NFAT5: variants seen among roughly 807,000 people sequenced by gnomAD.
NFAT5 encodes the protein nuclear factor of activated T cells 5, also known as nuclear factor of activated T-cells 5.
Under a neutral mutation model 166.5 loss-of-function variants are expected in NFAT5, and 31 were observed. The ratio of observed to expected loss-of-function variants is 0.19; its 90% confidence interval spans 0.14 to 0.25. The LOEUF is 0.25. Among genes scored for constraint, NFAT5 ranks in the 10% least tolerant of loss-of-function variants. The probability of loss-of-function intolerance (pLI) is 1.00; values close to 1 mark genes in which losing one functional copy is unlikely to be tolerated. For missense variants in NFAT5, 1,449 were observed against 1,821.8 expected (o/e 0.80, Z 3.72); for synonymous variants, 612 against 639.7 (o/e 0.96, Z 0.65).
intron 3 of NFAT5, among the ~76,000 whole-genome samples, chr16:69,644,253 G>GGCA: frequency 6.6e-6 from 1 of 151,664 alleles, no homozygotes; most frequent in East Asian, 1.9e-4. Context: ...CCACTGCACT[G>GGCA]TAGCCTGGGC....
At chr16:69,695,090 C>T in intron 13 of NFAT5, 46 bp from the exon 14 acceptor site, 1 of 1,340,286 alleles carries the variant, frequency 7.5e-7, no homozygotes, top group Non-Finnish European at 1.1e-6. Context: ...AATGTTTCTG[C>T]AGACTGTAGT....
chr16:69,609,139 T>C (rs917141865), intron 2 of NFAT5, among the ~76,000 whole-genome samples: 1 of 151,766 alleles, frequency 6.6e-6, no homozygotes, highest in Non-Finnish European at 1.5e-5. Flanking sequence ...AAAAAGTATT[T>C]AGGTAATCTG....
At chr16:69,679,146 G>A (rs542978173) in intron 10 of NFAT5, among the ~76,000 whole-genome samples, 1 of 152,114 alleles carries the variant, frequency 6.6e-6, no homozygotes, top group African/African-American at 2.4e-5. Context: ...GGCCAGGCTG[G>A]TCTCAAACTC....
At chr16:69,635,023 G>GTTTTTTTTTTT (rs530661389) in intron 3 of NFAT5, among the ~76,000 whole-genome samples, 5 of 105,266 alleles carry the variant, frequency 4.7e-5, no homozygotes, top group African/African-American at 7.6e-5. Flanking sequence ...TGTTAGTAAA[G>GTTTTTTTTTTT]TTTTTTTTTT....
At position 69,566,229 on chromosome 16, in the gene NFAT5, C is replaced by A; in HGVS notation, c.-73C>A. On this transcript the variant is annotated 5_prime_UTR_variant, in exon 1 of 15. Coordinates refer to ENST00000349945, the MANE Select transcript of NFAT5 (RefSeq NM_138713.4). This position sits in a 1 kb window ranked among gnomAD's most constrained non-coding sequence, Gnocchi z 5.7. ...GCCCCCGGTTCGGTGCCCGCGGTCC[C>A]GGAGAGGAGGTGCCGCCGCCACCGC... is the stretch of plus-strand genomic sequence containing the variant. 2 of 1,435,344 alleles carry A rather than the reference C, an allele frequency of 1.4e-6. No homozygotes were observed. Among genetic ancestry groups the A allele is most frequent in the Non-Finnish European group, 9.6e-7 (1 of 1,046,402 alleles). 88.9% of individuals were successfully genotyped at this position (1,435,344 alleles called of 1,614,324 possible). A position where few individuals can be genotyped will look rare whatever the true frequency, so the allele number is the denominator to read the frequency against.
intron 2 of NFAT5, among the ~76,000 whole-genome samples, chr16:69,623,334 CTTT>C (rs369209793): frequency 1.1e-4 from 15 of 139,616 alleles, no homozygotes; most frequent in African/African-American, 3.4e-4. Flanking sequence ...TTGCTAAAGG[CTTT>C]TTTTTTTTTT....
In NFAT5 at chr16:69,692,594, C is replaced by T; in HGVS notation, c.2769C>T (p.Cys923=). Residue 923 remains cysteine, a synonymous_variant, in exon 13 of 15, where the codon TGC becomes TGT. Transcript: ENST00000349945. Reference sequence around the variant, plus strand: ...TGATGGAGATGCAACAGAGTATCTGCCAGGCAGCTGCCCAGATTCAGTCAG... The same window carrying T: ...TGATGGAGATGCAACAGAGTATCTGTCAGGCAGCTGCCCAGATTCAGTCAG... ...AMVMEMQQSI[C]QAAAQIQSEL... 6.2e-7 allele frequency: 1 copy of T among 1,614,220 alleles called. No individual in the cohort carries two copies. The highest frequency in any genetic ancestry group is 8.5e-7 in the Non-Finnish European group (1 of 1,180,054).
intron 3 of NFAT5, among the ~76,000 whole-genome samples, chr16:69,642,866 A>G (rs1479795075): frequency 1.3e-5 from 2 of 152,062 alleles, no homozygotes; most frequent in Non-Finnish European, 2.9e-5. Context: ...AGTATTCTAT[A>G]TAAGTTAGAC....
chr16:69,579,314 A>G (rs1254820859), intron 2 of NFAT5, among the ~76,000 whole-genome samples: 1 of 152,182 alleles, frequency 6.6e-6, no homozygotes, highest in Non-Finnish European at 1.5e-5. Flanking sequence ...ATGTAATTTT[A>G]TAATTATTTT....
chr16:69,568,457 C>G, intron 1 of NFAT5, 38 bp from the exon 2 acceptor site: 1 of 1,583,244 alleles, frequency 6.3e-7, no homozygotes, highest in Non-Finnish European at 8.6e-7. Context: ...TTTCCTCATT[C>G]AGCATAAAAA....
chr16:69,588,826 C>T lies in NFAT5; in HGVS notation c.127+20278C>T, dbSNP rs2032266402. ...TATTGCCTAGAAGAGAGAACCCATC[C>T]ATGTTGAAATGCCAGATTAGAGGGA... is the stretch of plus-strand genomic sequence containing the variant. On this transcript the variant is annotated intron_variant, in intron 2 of 14. Transcript: ENST00000349945. 2.6e-5 allele frequency among the ~76,000 whole-genome samples: 4 copies of T among 151,936 alleles called. No homozygotes were observed. The South Asian group carries it at 8.3e-4, about 32-fold the overall frequency.
rs182693866 is a variant in NFAT5 at position 69,682,084 on chromosome 16, C to T, written c.1691-2803C>T. On this transcript the variant is annotated intron_variant, in intron 10 of 14. Coordinates refer to ENST00000349945, the MANE Select transcript of NFAT5 (RefSeq NM_138713.4). Reference sequence around the variant, plus strand: ...CCCATGGGGCCATACTGCCCCAAATCAAAATGTGTATTCTCTCAGGCACTT... The same window carrying T: ...CCCATGGGGCCATACTGCCCCAAATTAAAATGTGTATTCTCTCAGGCACTT... Among the ~76,000 whole-genome samples the T allele has an allele frequency of 3.4e-4, 52 of 152,148 alleles. 1 individual carries two copies. Among genetic ancestry groups the T allele is most frequent in the African/African-American group, 1.0e-3 (42 of 41,506 alleles).
At chr16:69,688,184 C>T (rs2037389516) in intron 11 of NFAT5, among the ~76,000 whole-genome samples, 1 of 111,062 alleles carries the variant, frequency 9.0e-6, no homozygotes, top group South Asian at 3.0e-4. Flanking sequence ...GCCTGGGCGA[C>T]AGAGCGAGAC....
intron 7 of NFAT5, among the ~76,000 whole-genome samples, chr16:69,669,637 A>C (rs2036544775): frequency 6.6e-6 from 1 of 152,244 alleles, no homozygotes; most frequent in African/African-American, 2.4e-5. Flanking sequence ...CTGAAGGCTA[A>C]ATGATACTGC....
At chr16:69,634,688 C>G (rs1222211001) in intron 3 of NFAT5, among the ~76,000 whole-genome samples, 1 of 152,144 alleles carries the variant, frequency 6.6e-6, no homozygotes, top group African/African-American at 2.4e-5. Context: ...TTCTCTAGAT[C>G]AAACTTACTT....
At chr16:69,679,354 A>G in intron 10 of NFAT5, among the ~76,000 whole-genome samples, 1 of 151,800 alleles carries the variant, frequency 6.6e-6, no homozygotes, top group East Asian at 2.0e-4. Flanking sequence ...GGTGGCTCAC[A>G]CCTGTAATCC....
rs558964500 is a variant in NFAT5 at position 69,566,157 on chromosome 16, G to A, written c.-145G>A. On this transcript the variant is annotated 5_prime_UTR_variant, in exon 1 of 15. Coordinates refer to ENST00000349945, the MANE Select transcript of NFAT5 (RefSeq NM_138713.4). This position sits in a 1 kb window ranked among gnomAD's most constrained non-coding sequence, Gnocchi z 5.7. Reference sequence around the variant, plus strand: ...TTCCTCGGTCCTCGGCCCAGTGGAAGTCACTACCCTCGAGGAGGAGGCAGC... The same window carrying A: ...TTCCTCGGTCCTCGGCCCAGTGGAAATCACTACCCTCGAGGAGGAGGCAGC... 3.1e-6 allele frequency: 2 copies of A among 639,970 alleles called. No individual in the cohort carries two copies. Among genetic ancestry groups the A allele is most frequent in the Admixed American group, 2.9e-5 (1 of 34,742 alleles). 39.6% of individuals were successfully genotyped at this position (639,970 alleles called of 1,614,324 possible).
chr16:69,623,590 C>T (rs1241325828), intron 2 of NFAT5, among the ~76,000 whole-genome samples: 1 of 151,776 alleles, frequency 6.6e-6, no homozygotes, highest in Non-Finnish European at 1.5e-5. Flanking sequence ...TCACTGCAGC[C>T]TCCGCCTCCC....
chr16:69,690,541 CAGAT>C (rs911353552), intron 11 of NFAT5: 2 of 152,288 alleles, frequency 1.3e-5, no homozygotes, highest in African/African-American at 2.4e-5. Context: ...ACTATATTGT[CAGAT>C]AGCTAAATGC....
Sources: allele counts gnomAD v4.1 joint callset (sites outside exome capture counted in the v4.1 genomes callset), GRCh38; gene constraint gnomAD v4.1.1; non-coding constraint Gnocchi (gnomAD v3.1); transcripts MANE v1.5; gene names NCBI Gene and HGNC (gene_info 2026-07-23, HGNC 2026-07-21).